RBFOX1: variants seen among roughly 807,000 people sequenced by gnomAD.
The protein encoded by RBFOX1 is RNA binding protein fox-1 homolog 1.
A neutral mutation model predicts 57.7 loss-of-function variants in RBFOX1; 8 were observed. That is an observed-to-expected ratio of 0.14 (90% CI 0.08 to 0.25). The LOEUF (loss-of-function observed/expected upper bound fraction) is 0.25, where lower values mean the gene tolerates loss of function less well. Ranked by LOEUF, RBFOX1 falls within the 10% of genes least tolerant of loss-of-function variation. The pLI is 1.00. For synonymous variants in RBFOX1, 326 were observed against 222.4 expected, an observed-to-expected ratio of 1.47 and a Z score of -4.15; for missense variants, 611 against 548.5, an observed-to-expected ratio of 1.11 and a Z score of -1.14.
intron 1 of RBFOX1, among the ~76,000 whole-genome samples, chr16:6,266,988 C>T (rs1342336451): frequency 6.6e-6 from 1 of 152,080 alleles, no homozygotes; most frequent in East Asian, 1.9e-4. Context: ...TGGAGCAGTG[C>T]AAAGAGATTT....
At chr16:7,686,320 A>G (rs1381934949) in intron 14 of RBFOX1, among the ~76,000 whole-genome samples, 5 of 152,072 alleles carry the variant, frequency 3.3e-5, no homozygotes, top group Admixed American at 1.3e-4. Flanking sequence ...GTTGGGGAAT[A>G]GAAATTGGGA....
chr16:7,285,224 A>G (rs76128964), intron 4 of RBFOX1, among the ~76,000 whole-genome samples: 1,558 of 151,996 alleles, frequency 0.01, 20 homozygotes, highest in Middle Eastern at 0.02. Flanking sequence ...ATGCAGCTGT[A>G]AGGAATAATA....
intron 3 of RBFOX1, among the ~76,000 whole-genome samples, chr16:6,918,340 G>A (rs144424613): frequency 6.6e-6 from 1 of 151,318 alleles, no homozygotes; most frequent in African/African-American, 2.4e-5. Context: ...TACCGAATCA[G>A]ACCACTGGGC....
At chr16:7,654,990 C>G (rs1161090099) in intron 12 of RBFOX1, among the ~76,000 whole-genome samples, 4 of 152,210 alleles carry the variant, frequency 2.6e-5, no homozygotes, top group African/African-American at 9.6e-5. Flanking sequence ...CTAGGCTTCC[C>G]TGGCCAGTGA....
intron 2 of RBFOX1, among the ~76,000 whole-genome samples, chr16:6,347,974 G>A (rs1023767109): frequency 9.2e-5 from 14 of 152,212 alleles, no homozygotes; most frequent in Admixed American, 9.2e-4. Flanking sequence ...ATACAAGAAA[G>A]CAGGAAAACA....
chr16:7,133,660 G>C lies in RBFOX1; in HGVS notation c.27+81562G>C, dbSNP rs150465587. On this transcript the variant is annotated intron_variant, in intron 4 of 15. Coordinates refer to ENST00000550418, the MANE Select transcript of RBFOX1 (RefSeq NM_018723.4). Reference sequence around the variant, plus strand: ...CTTGTAGAGCTTTTCTGTATTGGTAGAAAGCAAAAGCAAAAAAATTAATTG... The same window carrying C: ...CTTGTAGAGCTTTTCTGTATTGGTACAAAGCAAAAGCAAAAAAATTAATTG... Among the ~76,000 whole-genome samples the C allele has an allele frequency of 3.2e-4, 49 of 152,224 alleles. No homozygotes were observed. In the East Asian group the frequency reaches 9.2e-3, roughly 29 times the overall value.
At chr16:6,059,095 G>A (rs1269570681) in intron 1 of RBFOX1, 1 of 152,186 alleles carries the variant, frequency 6.6e-6, no homozygotes, top group Non-Finnish European at 1.5e-5. Context: ...TTCTTCCTGT[G>A]ACAGTCATAA....
intron 3 of RBFOX1, among the ~76,000 whole-genome samples, chr16:6,803,278 G>C (rs1469281137): frequency 6.6e-6 from 1 of 152,124 alleles, no homozygotes; most frequent in Non-Finnish European, 1.5e-5. Context: ...TCAATTTTCA[G>C]GAAGGCCCAC....
intron 2 of RBFOX1, among the ~76,000 whole-genome samples, chr16:6,373,653 T>C (rs1045735591): frequency 3.9e-5 from 6 of 151,940 alleles, no homozygotes; most frequent in African/African-American, 1.5e-4. Flanking sequence ...GGAATGGAGA[T>C]TGGGTAGATA....
chr16:7,102,648 A>G (rs941102958), intron 4 of RBFOX1, among the ~76,000 whole-genome samples: 7 of 152,154 alleles, frequency 4.6e-5, no homozygotes, highest in African/African-American at 9.7e-5. Flanking sequence ...AAATCCATCT[A>G]TTTTCAACAG....
In RBFOX1 at chr16:7,218,877, G is replaced by A. The variant is rs1032412424; in HGVS notation, c.27+166779G>A. Among the ~76,000 whole-genome samples the A allele has an allele frequency of 6.6e-5, 10 of 151,980 alleles. 1 individual carries two copies. The highest frequency in any genetic ancestry group is 6.6e-4 in the Admixed American group (10 of 15,246). On this transcript the variant is annotated intron_variant, in intron 4 of 15. Transcript: ENST00000550418. ...GCACCTGACTCACCCCTCCAGCCTC[G>A]ATGCATCGCATGCAGTTAGCATGTT...
At chr16:6,680,403 C>T (rs1568185496) in intron 3 of RBFOX1, among the ~76,000 whole-genome samples, 1 of 151,474 alleles carries the variant, frequency 6.6e-6, no homozygotes, top group Non-Finnish European at 1.5e-5. Context: ...GCTGGGACTA[C>T]AGGCACCTGC....
At chr16:5,732,069 T>C (rs954608742) in intron 3 of RBFOX1, among the ~76,000 whole-genome samples, 1 of 152,216 alleles carries the variant, frequency 6.6e-6, no homozygotes, top group African/African-American at 2.4e-5. Flanking sequence ...TTGCTTCATA[T>C]TCTAATGAAT....
At chr16:6,785,029 G>A (rs76353323) in intron 3 of RBFOX1, among the ~76,000 whole-genome samples, 1 of 151,196 alleles carries the variant, frequency 6.6e-6, no homozygotes, top group Admixed American at 6.6e-5. Context: ...ACTTCTGAGT[G>A]AAAAAAAATA....
At chr16:6,133,458 T>A (rs1343656232) in intron 1 of RBFOX1, among the ~76,000 whole-genome samples, 1 of 152,212 alleles carries the variant, frequency 6.6e-6, no homozygotes, top group Non-Finnish European at 1.5e-5. Flanking sequence ...CCTCTTGGGA[T>A]GGCACCATGC....
chr16:6,555,624 C>A (rs879660934), intron 2 of RBFOX1, among the ~76,000 whole-genome samples: 4 of 151,948 alleles, frequency 2.6e-5, no homozygotes, highest in Non-Finnish European at 5.9e-5. Flanking sequence ...GGCGTGAATC[C>A]GGGAGGCAGA....
chr16:7,450,695 T>C (rs572061613), intron 4 of RBFOX1, among the ~76,000 whole-genome samples: 1 of 152,262 alleles, frequency 6.6e-6, no homozygotes, highest in East Asian at 1.9e-4. Context: ...CATCTATTAA[T>C]CACCTACTGG....
chr16:6,734,842 C>T (rs1172535461), intron 3 of RBFOX1, among the ~76,000 whole-genome samples: 1 of 152,086 alleles, frequency 6.6e-6, no homozygotes, highest in Non-Finnish European at 1.5e-5. Flanking sequence ...ACAGGTGCAG[C>T]AATGAAAAGA....
chr16:6,084,680 G>A (rs999329459), intron 1 of RBFOX1, among the ~76,000 whole-genome samples: 7 of 152,132 alleles, frequency 4.6e-5, no homozygotes, highest in African/African-American at 1.7e-4. Context: ...TTTCTATGAT[G>A]CTCTATCGGG....
Sources: allele counts gnomAD v4.1 joint callset (sites outside exome capture counted in the v4.1 genomes callset), GRCh38; gene constraint gnomAD v4.1.1; transcripts MANE v1.5; gene names NCBI Gene and HGNC (gene_info 2026-07-23, HGNC 2026-07-21).